MANBA: variants seen among roughly 807,000 people sequenced by gnomAD.
MANBA encodes beta-mannosidase.
In MANBA, 83 loss-of-function variants were observed where a neutral mutation model predicts 111.1. The observed-to-expected ratio is 0.75, with a 90% CI of 0.63 to 0.90. The LOEUF is 0.90. Among genes scored for constraint, MANBA ranks in the 40% least tolerant of loss-of-function variants. The pLI is 0.00. For synonymous variants in MANBA, 370 were observed against 378.7 expected (o/e 0.98, Z 0.27); for missense variants, 1,036 against 1,069.0 (o/e 0.97, Z 0.43).
At chr4:102,678,785 C>T (rs1731836744) in intron 7 of MANBA, among the ~76,000 whole-genome samples, 1 of 152,108 alleles carries the variant, frequency 6.6e-6, no homozygotes, top group Non-Finnish European at 1.5e-5. Context: ...GATATCTGAA[C>T]TAAAGGGCCT....
intron 5 of MANBA, among the ~76,000 whole-genome samples, chr4:102,703,835 C>T (rs1006436712): frequency 6.6e-6 from 1 of 152,228 alleles, no homozygotes; most frequent in African/African-American, 2.4e-5. Context: ...GTGGCTCACG[C>T]CTGTAATCCC....
At chr4:102,632,347 G>T in intron 16 of MANBA, 66 bp from the exon 17 acceptor site, 1 of 1,273,442 alleles carries the variant, frequency 7.9e-7, no homozygotes, top group Non-Finnish European at 1.1e-6. Flanking sequence ...TCTGTATACA[G>T]TTCCTGTAAA....
At chr4:102,675,088 C>T (rs1341860894) in intron 7 of MANBA, among the ~76,000 whole-genome samples, 1 of 152,158 alleles carries the variant, frequency 6.6e-6, no homozygotes, top group Non-Finnish European at 1.5e-5. Context: ...TGCAAAATGT[C>T]AAGAATGCAC....
In MANBA at chr4:102,634,825, G is replaced by A. The variant is rs376410219; in HGVS notation, c.2378C>T (p.Pro793Leu). The A allele has an allele frequency of 4.3e-5, 69 of 1,614,004 alleles. No individual in the cohort carries two copies. The highest frequency in any genetic ancestry group is 3.3e-4 in the East Asian group (15 of 44,896). ...SPTNYHFLSS[P>L]KEAVGLCKAQ... ...CTTGCAGAGCCCCACGGCCTCCTTCGGTGAGGACAAGAAGTGGTAGTTGGT... is the reference window on the plus strand; with the variant it reads ...CTTGCAGAGCCCCACGGCCTCCTTCAGTGAGGACAAGAAGTGGTAGTTGGT... The change falls in exon 16 of 17, where the codon CCG becomes CTG. Residue 793 changes from proline (P) to leucine (L), a missense_variant. By Grantham distance (98) the Pro-to-Leu change is moderately conservative. Transcript: ENST00000647097.
At chr4:102,721,329 C>CATAAATAAATAA (rs57059616) in intron 4 of MANBA, among the ~76,000 whole-genome samples, 4,000 of 151,062 alleles carry the variant, frequency 0.026, 130 homozygotes, top group African/African-American at 0.081. Context: ...ATCTCAAATA[C>CATAAATAAATAA]ATAAATAAAT....
intron 5 of MANBA, among the ~76,000 whole-genome samples, chr4:102,697,794 T>C (rs1206754208): frequency 1.3e-5 from 2 of 151,960 alleles, no homozygotes; most frequent in African/African-American, 4.8e-5. Context: ...TCTTTGCTAT[T>C]GTGAATAGTG....
intron 14 of MANBA, among the ~76,000 whole-genome samples, chr4:102,639,447 T>C (rs1292544952): frequency 2.0e-5 from 3 of 152,164 alleles, no homozygotes; most frequent in Admixed American, 6.5e-5. Context: ...GGCTGAGACT[T>C]TTGTATAGGA....
Position 102,639,816 on chromosome 4 carries a change from G to C in MANBA, c.1911C>G (p.Tyr637Ter). 6.2e-7 allele frequency: 1 copy of C among 1,614,128 alleles called. No homozygotes were observed. Among genetic ancestry groups the C allele is most frequent in the Non-Finnish European group, 8.5e-7 (1 of 1,180,000 alleles). The part of the protein sequence containing the change: ...AQCVKTETEF[Y>*]RRSRSEIVDQ... ...CCACTATCTCGCTGCGACTACGGCG[G>C]TAGAATTCAGTTTCTGTTTTGACAC... Residue 637 changes from tyrosine to a stop codon, truncating the protein, a stop_gained, in exon 14 of 17, where the codon TAC (tyrosine) becomes TAG (stop). Coordinates refer to ENST00000647097, the MANE Select transcript of MANBA (RefSeq NM_005908.4). LOFTEE classifies it high-confidence loss of function.
chr4:102,748,743 T>C (rs1341351211), intron 1 of MANBA, among the ~76,000 whole-genome samples: 1 of 152,000 alleles, frequency 6.6e-6, no homozygotes, highest in African/African-American at 2.4e-5. Flanking sequence ...TGAAACACCA[T>C]CTCTAATAAA....
intron 7 of MANBA, among the ~76,000 whole-genome samples, chr4:102,682,146 CAAAAAAA>C (rs1244673574): frequency 3.2e-5 from 2 of 62,302 alleles, no homozygotes; most frequent in Non-Finnish European, 6.9e-5. Context: ...AACTCTGTCT[CAAAAAAA>C]AAAAAAAAAA....
chr4:102,658,320 A>C (rs1411055297), intron 11 of MANBA, among the ~76,000 whole-genome samples: 1 of 152,134 alleles, frequency 6.6e-6, no homozygotes, highest in Non-Finnish European at 1.5e-5. Flanking sequence ...GCCTCTACCA[A>C]ACAGATGTCA....
chr4:102,663,665 A>T (rs1485158156), intron 11 of MANBA, among the ~76,000 whole-genome samples: 1 of 152,246 alleles, frequency 6.6e-6, no homozygotes, highest in African/African-American at 2.4e-5. Context: ...AATATCACAT[A>T]CTATTTTAAA....
At position 102,640,635 on chromosome 4, in the gene MANBA, A is replaced by G. The variant is rs143781373; in HGVS notation, c.1870-778T>C. Among the ~76,000 whole-genome samples the G allele has an allele frequency of 7.5e-4, 114 of 152,298 alleles. 1 individual carries two copies. Among genetic ancestry groups the G allele is most frequent in the African/African-American group, 2.6e-3 (110 of 41,570 alleles). On this transcript the variant is annotated intron_variant, in intron 13 of 16. Coordinates refer to ENST00000647097, the MANE Select transcript of MANBA (RefSeq NM_005908.4). ...ATGAATGGACCACTGAGGAGAACCC[A>G]GAGATGGTCAGAGCAGCGAGGATTT... is the stretch of plus-strand genomic sequence containing the variant.
intron 7 of MANBA, among the ~76,000 whole-genome samples, chr4:102,677,084 T>G (rs942772489): frequency 6.6e-5 from 10 of 152,202 alleles, no homozygotes; most frequent in Non-Finnish European, 1.3e-4. Flanking sequence ...GAAAAGCCTC[T>G]GGGCCATTAA....
chr4:102,694,375 C>A (rs185362636), intron 5 of MANBA, among the ~76,000 whole-genome samples: 1 of 152,232 alleles, frequency 6.6e-6, no homozygotes, highest in Admixed American at 6.5e-5. Context: ...GTTCACAAGG[C>A]GCAAAGTCTT....
chr4:102,734,353 G>T, intron 1 of MANBA: 1 of 1,606,958 alleles, frequency 6.2e-7, no homozygotes, highest in Non-Finnish European at 8.5e-7. Flanking sequence ...CAAGCGACTT[G>T]GGCCATGGCC....
At position 102,714,518 on chromosome 4, in the gene MANBA, G is replaced by C. The variant is rs1722238196; in HGVS notation, c.593C>G (p.Thr198Ser). Residue 198 changes from threonine (T) to serine (S), a missense_variant, in exon 5 of 17, where the codon ACC becomes AGC. Thr to Ser is a moderately conservative substitution (Grantham distance 58, BLOSUM62 1). Coordinates refer to ENST00000647097, the MANE Select transcript of MANBA (RefSeq NM_005908.4). Reference protein sequence around the residue: ...FSWDWGPSFPTQGIWKDVRIE... With the variant: ...FSWDWGPSFPSQGIWKDVRIE... ...TCTAACATCTTTCCAGATTCCCTGG[G>C]TAGGAAAGGAAGGCCCCCAGTCCCA... The C allele has an allele frequency of 6.2e-7, 1 of 1,606,810 alleles. No individual in the cohort carries two copies. The highest frequency in any genetic ancestry group is 1.1e-5 in the South Asian group (1 of 90,930).
intron 5 of MANBA, among the ~76,000 whole-genome samples, chr4:102,701,472 T>A (rs1190209565): frequency 1.3e-5 from 2 of 152,242 alleles, no homozygotes; most frequent in Non-Finnish European, 2.9e-5. Flanking sequence ...CTTTACATTT[T>A]GGCATGATTT....
intron 16 of MANBA, among the ~76,000 whole-genome samples, chr4:102,633,751 T>C (rs945943859): frequency 3.4e-5 from 5 of 149,068 alleles, no homozygotes; most frequent in Non-Finnish European, 7.4e-5. Flanking sequence ...GTTTAGAGAC[T>C]GAAAATTCAT....
Sources: allele counts gnomAD v4.1 joint callset (sites outside exome capture counted in the v4.1 genomes callset), GRCh38; gene constraint gnomAD v4.1.1; transcripts MANE v1.5; gene names NCBI Gene and HGNC (gene_info 2026-07-23, HGNC 2026-07-21).